The following ADGRF3 variants were observed in gnomAD, a reference collection of about 807,000 sequenced individuals.
ADGRF3 encodes the protein G protein-coupled receptor 113.
In ADGRF3, 85 loss-of-function variants were observed where a neutral mutation model predicts 93.2. That is an observed-to-expected ratio of 0.91 (90% CI 0.77 to 1.09). ADGRF3 has a LOEUF of 1.09. Among genes scored for constraint, ADGRF3 ranks in the 50% least tolerant of loss-of-function variants. ADGRF3 has a pLI of 0.00. For synonymous variants in ADGRF3, 534 were observed against 532.5 expected, an observed-to-expected ratio of 1.00 and a Z score of -0.04; for missense variants, 1,125 against 1,246.2, an observed-to-expected ratio of 0.90 and a Z score of 1.46.
intron 7 of ADGRF3, 27 bp from the exon 8 acceptor site, chr2:26,313,600 C>A: frequency 6.3e-7 from 1 of 1,586,674 alleles, no homozygotes; most frequent in Admixed American, 1.7e-5. Flanking sequence ...AGGCGCTACT[C>A]AGCAATCACA....
intron 1 of ADGRF3, among the ~76,000 whole-genome samples, chr2:26,324,213 T>C (rs1167429907): frequency 1.3e-5 from 2 of 152,088 alleles, no homozygotes; most frequent in Non-Finnish European, 2.9e-5. Flanking sequence ...ATCGTGCCAC[T>C]GCACTCCAGC....
rs1326125750 is a variant in ADGRF3, at chr2:26,313,388, T to G, written c.1258A>C (p.Thr420Pro). The G allele has an allele frequency of 6.3e-7, 1 of 1,592,776 alleles. No individual in the cohort carries two copies. The highest frequency in any genetic ancestry group is 8.5e-7 in the Non-Finnish European group (1 of 1,170,150). The change falls in exon 8 of 14, where the codon ACT becomes CCT. Residue 420 changes from threonine (T) to proline (P), a missense_variant. Transcript: ENST00000651242. ...CTDARLLALFTRTKLLQAGQG... is the reference protein window; with the variant it reads ...CTDARLLALFPRTKLLQAGQG... Reference sequence around the variant, plus strand: ...GGTGGAAGCTTCACCTTGGTTCTAGTGAACAAGGCCAGGAGCCTCGCATCT... The same window carrying G: ...GGTGGAAGCTTCACCTTGGTTCTAGGGAACAAGGCCAGGAGCCTCGCATCT...
intron 1 of ADGRF3, among the ~76,000 whole-genome samples, chr2:26,330,678 C>T (rs1675715686): frequency 6.6e-6 from 1 of 152,216 alleles, no homozygotes; most frequent in African/African-American, 2.4e-5. Flanking sequence ...CCTCCACTCT[C>T]TCTGAGTGTT....
At position 26,315,652 on chromosome 2, in the gene ADGRF3, G is replaced by T. The variant is rs1178480731; in HGVS notation, c.588C>A (p.Asn196Lys). 1 of 1,551,670 alleles carries T rather than the reference G, an allele frequency of 6.4e-7. No homozygotes were observed. Among genetic ancestry groups the T allele is most frequent in the South Asian group, 1.2e-5 (1 of 84,056 alleles). The change falls in exon 5 of 14, where the codon AAC (asparagine) becomes AAA (lysine). Residue 196 changes from asparagine to lysine, a missense_variant. By Grantham distance (94) the Asn-to-Lys change is moderately conservative (BLOSUM62 0). Transcript: ENST00000651242. Reference sequence around the variant, plus strand: ...CTGGGTGCCTCAGGAACCAGCTCAGGTTGGTGGCCTCCTGGCTCAGATGGA... The same window carrying T: ...CTGGGTGCCTCAGGAACCAGCTCAGTTTGGTGGCCTCCTGGCTCAGATGGA... ...LTLHLSQEAT[N>K]LSWFLRHPGS...
chr2:26,312,403 C>T (rs1574699106), intron 9 of ADGRF3, among the ~76,000 whole-genome samples: 1 of 152,346 alleles, frequency 6.6e-6, no homozygotes, highest in African/African-American at 2.4e-5. Flanking sequence ...TTGGCCCCTC[C>T]AGGTCTGCAA....
chr2:26,345,784 A>C (rs1676690509), intron 1 of ADGRF3: 1 of 346,150 alleles, frequency 2.9e-6, no homozygotes, highest in Non-Finnish European at 5.4e-6. Flanking sequence ...CCAGATCACC[A>C]CGCAAGTGCG....
intron 1 of ADGRF3, chr2:26,345,907 A>G (rs1039549959): frequency 3.6e-6 from 2 of 555,366 alleles, no homozygotes; most frequent in African/African-American, 2.0e-5. Context: ...ACGCTAGCAA[A>G]TGAAGCGACG....
At chr2:26,310,350 T>C in intron 10 of ADGRF3, 113 bp from the exon 11 acceptor site, 2 of 1,196,392 alleles carry the variant, frequency 1.7e-6, no homozygotes, top group Non-Finnish European at 2.4e-6. Context: ...TCTCAATTTT[T>C]CTGTTACCAC....
intron 1 of ADGRF3, among the ~76,000 whole-genome samples, chr2:26,323,329 C>A (rs942808197): frequency 2.6e-5 from 4 of 152,274 alleles, no homozygotes; most frequent in Non-Finnish European, 4.4e-5. Context: ...GGTGATTGGC[C>A]TTTGTCCCTC....
intron 9 of ADGRF3, among the ~76,000 whole-genome samples, 157 bp downstream of exon 9, chr2:26,312,786 T>G (rs1282599613): frequency 6.6e-6 from 1 of 152,182 alleles, no homozygotes; most frequent in Non-Finnish European, 1.5e-5. Context: ...GAGTGGTGTC[T>G]GAGAGGAGAA....
chr2:26,338,399 T>C (rs896045725), intron 1 of ADGRF3, among the ~76,000 whole-genome samples: 1 of 152,174 alleles, frequency 6.6e-6, no homozygotes, highest in African/African-American at 2.4e-5. Flanking sequence ...CACTGGATGA[T>C]GCTGGTCATT....
At chr2:26,331,904 A>G (rs1675789923) in intron 1 of ADGRF3, among the ~76,000 whole-genome samples, 1 of 152,138 alleles carries the variant, frequency 6.6e-6, no homozygotes, top group Non-Finnish European at 1.5e-5. Context: ...TGATAAGTTT[A>G]AATCTGTTGT....
chr2:26,344,613 G>C (rs978658910), intron 1 of ADGRF3, among the ~76,000 whole-genome samples: 1 of 152,212 alleles, frequency 6.6e-6, no homozygotes, highest in Non-Finnish European at 1.5e-5. Flanking sequence ...CTGCCCTCGA[G>C]GGCAAGTGTG....
chr2:26,346,196 A>G lies in ADGRF3; in HGVS notation c.39T>C (p.Thr13=). ...TGTGTGTCACAGCCTTGTAGCCGGG[A>G]GTCGCTGCCGAGTGGGCGCTCAGTT... is the stretch of plus-strand genomic sequence containing the variant. ...TRKLSAHSAA[T]PGYKAVTHKH... is the part of the protein sequence containing the mutation. Residue 13 remains threonine, a synonymous_variant, in exon 1 of 14, where the codon ACT becomes ACC. Transcript: ENST00000651242. 1 of 1,613,352 alleles carries G rather than the reference A, an allele frequency of 6.2e-7. No individual in the cohort carries two copies. The highest frequency in any genetic ancestry group is 1.1e-5 in the South Asian group (1 of 90,970).
chr2:26,344,701 T>G (rs573497298), intron 1 of ADGRF3, among the ~76,000 whole-genome samples: 1 of 152,240 alleles, frequency 6.6e-6, no homozygotes, highest in South Asian at 2.1e-4. Context: ...GGTGTGGTGG[T>G]GTGCGCCTGT....
chr2:26,340,691 TG>T (rs1676337781), intron 1 of ADGRF3, among the ~76,000 whole-genome samples: 1 of 151,124 alleles, frequency 6.6e-6, no homozygotes, highest in African/African-American at 2.5e-5. Flanking sequence ...TCCGTTTTAG[TG>T]GAGTAATAAA....
chr2:26,311,530 C>T lies in ADGRF3; in HGVS notation c.1994G>A (p.Gly665Glu), dbSNP rs1674131884. The T allele has an allele frequency of 6.2e-7, 1 of 1,613,912 alleles. No individual in the cohort carries two copies. The highest frequency in any genetic ancestry group is 1.7e-5 in the Admixed American group (1 of 60,014). ...GGCACTGGCCACCTGTGCCTGGCAC[C>T]CTTCTTTGGACCAACCCCCCCTGCC... ...FQGRGGWSKE[G>E]CQAQVASASP... The change falls in exon 10 of 14, where the codon GGG (glycine) becomes GAG (glutamate). Residue 665 changes from glycine (G) to glutamate (E), a missense_variant. Gly to Glu is a moderately conservative substitution (Grantham distance 98). Transcript: ENST00000651242.
chr2:26,333,187 G>A (rs972772358), intron 1 of ADGRF3, among the ~76,000 whole-genome samples: 1 of 151,896 alleles, frequency 6.6e-6, no homozygotes, highest in African/African-American at 2.4e-5. Context: ...TCTTTGGAAA[G>A]CATGTTTTGT....
chr2:26,334,356 T>C (rs1246667635), intron 1 of ADGRF3, among the ~76,000 whole-genome samples: 1 of 151,746 alleles, frequency 6.6e-6, no homozygotes, highest in African/African-American at 2.4e-5. Context: ...TTCCCTGTGG[T>C]TTTTGAGCTA....
Sources: gnomAD v4.1 joint callset for allele counts (sites outside exome capture counted in the v4.1 genomes callset) on GRCh38, gnomAD v4.1.1 for gene constraint, MANE v1.5 for transcripts, NCBI Gene and HGNC (gene_info 2026-07-23, HGNC 2026-07-21) for gene names.